GIMAP8: variants seen among roughly 807,000 people sequenced by gnomAD.
GIMAP8 encodes the protein GTPase IMAP family member 8.
In GIMAP8, 29 loss-of-function variants were observed where a neutral mutation model predicts 35.6. That is an observed-to-expected ratio of 0.81 (90% CI 0.61 to 1.11). The LOEUF (loss-of-function observed/expected upper bound fraction) is 1.11, where lower values mean the gene tolerates loss of function less well. GIMAP8 is among the 50% of genes most tolerant of loss of function. The pLI is 0.00. For synonymous variants in GIMAP8, 335 were observed against 308.7 expected, an observed-to-expected ratio of 1.09 and a Z score of -0.89; for missense variants, 811 against 805.0, an observed-to-expected ratio of 1.01 and a Z score of -0.09.
intron 1 of GIMAP8, among the ~76,000 whole-genome samples, chr7:150,456,080 A>G (rs1481176737): frequency 6.6e-6 from 1 of 152,162 alleles, no homozygotes; most frequent in Non-Finnish European, 1.5e-5. Context: ...TCACCAAGGA[A>G]ATAGTACTAA....
intron 1 of GIMAP8, among the ~76,000 whole-genome samples, chr7:150,464,630 C>G (rs1224515435): frequency 6.6e-6 from 1 of 152,148 alleles, no homozygotes; most frequent in African/African-American, 2.4e-5. Context: ...ATGTAGTGAG[C>G]TGTGGTCCCA....
At chr7:150,456,987 G>T (rs568059407) in intron 1 of GIMAP8, among the ~76,000 whole-genome samples, 35 of 152,348 alleles carry the variant, frequency 2.3e-4, no homozygotes, top group Admixed American at 3.9e-4. Flanking sequence ...CCCCAACCCA[G>T]TGGTGCTAGA....
At chr7:150,469,994 T>C (rs760529996) in intron 2 of GIMAP8, among the ~76,000 whole-genome samples, 15 of 152,230 alleles carry the variant, frequency 9.9e-5, no homozygotes, top group Non-Finnish European at 1.9e-4. Context: ...TGTATGAACA[T>C]AGAAAAAGAT....
At chr7:150,476,921 G>A (rs1348042195) in intron 4 of GIMAP8, among the ~76,000 whole-genome samples, 171 bp from the exon 5 acceptor site, 1 of 152,216 alleles carries the variant, frequency 6.6e-6, no homozygotes, top group African/African-American at 2.4e-5. Flanking sequence ...AGTGAACTGG[G>A]CCAAGTCATT....
In GIMAP8 at chr7:150,470,855, A is replaced by G; in HGVS notation, c.663A>G (p.Gln221=). 1.2e-6 allele frequency: 2 copies of G among 1,607,714 alleles called. No homozygotes were observed. Among genetic ancestry groups the G allele is most frequent in the South Asian group, 1.1e-5 (1 of 90,956 alleles). The change falls in exon 3 of 5, where the codon CAA becomes CAG. Residue 221 remains glutamine (Q), a synonymous_variant. Coordinates refer to ENST00000307271, the MANE Select transcript of GIMAP8 (RefSeq NM_175571.4). ...FQDCVNEAAS[Q]EGDKPQGPRE... The stretch of plus-strand genomic sequence containing the variant: ...ATTGTGTGAATGAAGCTGCATCTCA[A>G]GAGGGAGACAAGCCACAGGGTAAGT...
chr7:150,477,269 C>G lies in GIMAP8; in HGVS notation c.1487C>G (p.Ser496Cys). 10 of 1,614,090 alleles carry G rather than the reference C, an allele frequency of 6.2e-6. No homozygotes were observed. Among genetic ancestry groups the G allele is most frequent in the Non-Finnish European group, 8.5e-6 (10 of 1,180,010 alleles). Reference protein sequence around the residue: ...GQEVVVVDTPSFNQMLDVEKD... With the variant: ...GQEVVVVDTPCFNQMLDVEKD... ...GAGGTGGTGGTTGTGGACACTCCTT[C>G]CTTCAACCAGATGCTGGATGTCGAA... Residue 496 changes from serine (S) to cysteine (C), a missense_variant, in exon 5 of 5, where the codon TCC becomes TGC. By Grantham distance (112) the Ser-to-Cys change is moderately radical (BLOSUM62 -1). Coordinates refer to ENST00000307271, the MANE Select transcript of GIMAP8 (RefSeq NM_175571.4).
At chr7:150,452,579 GTATATATGTA>G (rs1376127951) in intron 1 of GIMAP8, among the ~76,000 whole-genome samples, 13 of 146,504 alleles carry the variant, frequency 8.9e-5, no homozygotes, top group East Asian at 4.0e-4. Context: ...GTGTGTGTAT[GTATATATGTA>G]TATATATGTA....
rs1175963507 is a variant in GIMAP8 at position 150,467,052 on chromosome 7, A to G, written c.354A>G (p.Gln118=). The G allele has an allele frequency of 1.2e-6, 2 of 1,614,260 alleles. No homozygotes were observed. The highest frequency in any genetic ancestry group is 2.2e-5 in the East Asian group (1 of 44,888). The change falls in exon 2 of 5, where the codon CAA becomes CAG. Residue 118 remains glutamine, a synonymous_variant. Coordinates refer to ENST00000307271, the MANE Select transcript of GIMAP8 (RefSeq NM_175571.4). ...REDEETAKGI[Q]QVFGAEARRH... ...ATGAGGAAACAGCCAAGGGCATCCA[A>G]CAAGTGTTTGGAGCTGAAGCCAGGA... is the stretch of plus-strand genomic sequence containing the variant.
In GIMAP8 at chr7:150,467,040, C is replaced by T. The variant is rs746840063; in HGVS notation, c.342C>T (p.Ala114=). The T allele has an allele frequency of 1.9e-5, 30 of 1,614,190 alleles. No homozygotes were observed. In the Middle Eastern group the frequency reaches 5.0e-4, roughly 27 times the overall value. ...TCACAAGGGAGGATGAGGAAACAGCCAAGGGCATCCAACAAGTGTTTGGAG... is the reference window on the plus strand; with the variant it reads ...TCACAAGGGAGGATGAGGAAACAGCTAAGGGCATCCAACAAGTGTTTGGAG... ...GHFTREDEET[A]KGIQQVFGAE... is the part of the protein sequence containing the mutation. Residue 114 remains alanine, a synonymous_variant, in exon 2 of 5, where the codon GCC becomes GCT. Transcript: ENST00000307271.
chr7:150,474,123 A>G lies in GIMAP8; in HGVS notation c.794A>G (p.Asn265Ser). The G allele has an allele frequency of 6.2e-7, 1 of 1,614,210 alleles. No homozygotes were observed. The highest frequency in any genetic ancestry group is 8.5e-7 in the Non-Finnish European group (1 of 1,180,034). Residue 265 changes from asparagine (N) to serine (S), a missense_variant, in exon 4 of 5, where the codon AAC (asparagine) becomes AGC (serine). Asn to Ser is a conservative substitution (Grantham distance 46). Coordinates refer to ENST00000307271, the MANE Select transcript of GIMAP8 (RefSeq NM_175571.4). ...KRGAGKSAAG[N>S]SILGRQAFQT... is the part of the protein sequence containing the mutation. ...GGTGCTGGAAAAAGTGCAGCAGGAAACAGCATTCTGGGGAGGCAGGCCTTT... is the reference window on the plus strand; with the variant it reads ...GGTGCTGGAAAAAGTGCAGCAGGAAGCAGCATTCTGGGGAGGCAGGCCTTT...
chr7:150,475,148 C>T (rs1802199494), intron 4 of GIMAP8, among the ~76,000 whole-genome samples: 1 of 152,258 alleles, frequency 6.6e-6, no homozygotes, highest in South Asian at 2.1e-4. Context: ...GTCTCCTGTT[C>T]CTGTGTTAGT....
At chr7:150,473,242 G>A (rs1802135154) in intron 3 of GIMAP8, among the ~76,000 whole-genome samples, 1 of 152,106 alleles carries the variant, frequency 6.6e-6, no homozygotes, top group Admixed American at 6.5e-5. Context: ...TGGAGAGATA[G>A]TTGTAGGGTG....
chr7:150,455,623 T>C (rs1218287078), intron 1 of GIMAP8, among the ~76,000 whole-genome samples: 1 of 152,190 alleles, frequency 6.6e-6, no homozygotes, highest in South Asian at 2.1e-4. Context: ...CATTTAGGAA[T>C]GCTCATTTTT....
chr7:150,470,766 TTTC>T, intron 2 of GIMAP8, 60 bp from the exon 3 acceptor site: 32 of 719,406 alleles, frequency 4.4e-5, no homozygotes, highest in Admixed American at 9.0e-5. Flanking sequence ...TTTTTTTTTT[TTTC>T]AGTTTGTGGA....
At position 150,477,423 on chromosome 7, in the gene GIMAP8, A is replaced by G; in HGVS notation, c.1641A>G (p.Lys547=). The G allele has an allele frequency of 6.2e-7, 1 of 1,613,886 alleles. No individual in the cohort carries two copies. Among genetic ancestry groups the G allele is most frequent in the Non-Finnish European group, 8.5e-7 (1 of 1,179,742 alleles). ...AAGAGGACAAAACAGCTGTGGCGAA[A>G]CTGGAGGCCATCTTTGGAGCAGACT... ...FTEEDKTAVA[K]LEAIFGADFT... The change falls in exon 5 of 5, where the codon AAA becomes AAG. Residue 547 remains lysine (K), a synonymous_variant. Transcript: ENST00000307271.
At position 150,472,076 on chromosome 7, in the gene GIMAP8, C is replaced by T. The variant is rs983764184; in HGVS notation, c.682+1202C>T. 1.4e-4 allele frequency among the ~76,000 whole-genome samples: 21 copies of T among 152,082 alleles called. No homozygotes were observed. The highest frequency in any genetic ancestry group is 4.6e-4 in the African/African-American group (19 of 41,402). On this transcript the variant is annotated intron_variant, in intron 3 of 4. Coordinates refer to ENST00000307271, the MANE Select transcript of GIMAP8 (RefSeq NM_175571.4). The surrounding 1 kb of genome is among the most constrained non-coding windows in gnomAD (Gnocchi z 4.1). ...CAAAATTCTGGCAATGCCCTTTGGCCGAGACCCCAGGAACACACGTGTGAC... is the reference window on the plus strand; with the variant it reads ...CAAAATTCTGGCAATGCCCTTTGGCTGAGACCCCAGGAACACACGTGTGAC...
Position 150,477,327 on chromosome 7 carries a change from G to A in GIMAP8, c.1545G>A (p.Lys515=). ...KDPSRLEEEV[K]RCLSCCEKGD... is the part of the protein sequence containing the mutation. ...CATCCCGGTTAGAAGAGGAGGTCAA[G>A]CGCTGTTTGTCCTGCTGTGAAAAAG... Residue 515 remains lysine, a synonymous_variant, in exon 5 of 5, where the codon AAG becomes AAA. Transcript: ENST00000307271. The A allele has an allele frequency of 6.2e-7, 1 of 1,614,212 alleles. No homozygotes were observed. The highest frequency in any genetic ancestry group is 8.5e-7 in the Non-Finnish European group (1 of 1,180,036).
At chr7:150,453,423 C>T (rs1232971427) in intron 1 of GIMAP8, among the ~76,000 whole-genome samples, 1 of 152,200 alleles carries the variant, frequency 6.6e-6, no homozygotes, top group African/African-American at 2.4e-5. Context: ...GGCTTTGCCT[C>T]GCCCTTTTCG....
At chr7:150,477,049 G>T (rs781077298) in intron 4 of GIMAP8, 43 bp from the exon 5 acceptor site, 5 of 1,477,302 alleles carry the variant, frequency 3.4e-6, no homozygotes, top group Admixed American at 3.8e-5. Context: ...TCCAATTTCA[G>T]ATCAGCCCAT....
Sources: allele counts gnomAD v4.1 joint callset (sites outside exome capture counted in the v4.1 genomes callset), GRCh38; gene constraint gnomAD v4.1.1; non-coding constraint Gnocchi (gnomAD v3.1); transcripts MANE v1.5; gene names NCBI Gene and HGNC (gene_info 2026-07-23, HGNC 2026-07-21).